Variants in CTNNBL1 observed in about 807,000 individuals in gnomAD.
CTNNBL1 encodes the protein beta-catenin-like protein 1.
In CTNNBL1, 31 loss-of-function variants were observed where a neutral mutation model predicts 72.7. The ratio of observed to expected loss-of-function variants is 0.43; its 90% CI spans 0.32 to 0.58. The LOEUF is 0.58. CTNNBL1 is among the 20% of genes least tolerant of loss of function. The probability of loss-of-function intolerance (pLI) is 0.08; values close to 1 mark genes in which losing one functional copy is unlikely to be tolerated. For synonymous variants in CTNNBL1, 240 were observed against 267.3 expected, an observed-to-expected ratio of 0.90 and a Z score of 1.00; for missense variants, 534 against 725.1, an observed-to-expected ratio of 0.74 and a Z score of 3.03.
At chr20:37,799,186 C>T (rs527400803) in intron 10 of CTNNBL1, among the ~76,000 whole-genome samples, 6 of 152,308 alleles carry the variant, frequency 3.9e-5, no homozygotes, top group South Asian at 2.1e-4. Context: ...TACCCCCAAG[C>T]GGTGTCATTC....
At chr20:37,784,118 G>T (rs1278314394) in intron 10 of CTNNBL1, among the ~76,000 whole-genome samples, 2 of 151,892 alleles carry the variant, frequency 1.3e-5, no homozygotes, top group Non-Finnish European at 2.9e-5. Flanking sequence ...TTTGTCTCTT[G>T]GTCTAATTTT....
chr20:37,806,103 G>A (rs915250529), intron 11 of CTNNBL1, among the ~76,000 whole-genome samples: 147 of 152,296 alleles, frequency 9.7e-4, no homozygotes, highest in African/African-American at 3.4e-3. Flanking sequence ...TGGGTTGCTA[G>A]CCCTAAGTTT....
At chr20:37,784,931 A>T (rs1241903815) in intron 10 of CTNNBL1, among the ~76,000 whole-genome samples, 3 of 152,150 alleles carry the variant, frequency 2.0e-5, no homozygotes, top group Non-Finnish European at 4.4e-5. Context: ...TCTGGTGTTG[A>T]TGAAATCCCT....
At chr20:37,744,819 C>A (rs1046088333) in intron 3 of CTNNBL1, 5 of 152,132 alleles carry the variant, frequency 3.3e-5, no homozygotes, top group Non-Finnish European at 5.9e-5. Context: ...TATAGGCTTA[C>A]TTTTTGGGGG....
chr20:37,845,179 A>G (rs1324774280), intron 13 of CTNNBL1, among the ~76,000 whole-genome samples: 4 of 152,162 alleles, frequency 2.6e-5, no homozygotes, highest in African/African-American at 4.8e-5. Flanking sequence ...GCCTAGCAGA[A>G]GAGAGGGTTG....
chr20:37,842,862 T>A (rs2072316290), intron 13 of CTNNBL1, among the ~76,000 whole-genome samples: 1 of 152,188 alleles, frequency 6.6e-6, no homozygotes, highest in Non-Finnish European at 1.5e-5. Flanking sequence ...AGTTACCCCA[T>A]TTACAGATGG....
intron 13 of CTNNBL1, 86 bp from the exon 14 acceptor site, chr20:37,859,813 T>TGTG (rs2072474782): frequency 7.4e-7 from 1 of 1,354,186 alleles, no homozygotes; most frequent in African/African-American, 1.4e-5. Context: ...TTGCTATTGT[T>TGTG]GTGTGTATTA....
chr20:37,751,008 A>G (rs2073314969), intron 4 of CTNNBL1: 1 of 152,076 alleles, frequency 6.6e-6, no homozygotes, highest in African/African-American at 2.4e-5. Context: ...GGAGATTAGC[A>G]TGCATTTCAG....
In CTNNBL1 at chr20:37,871,907, C is replaced by G. The variant is rs781261773; in HGVS notation, c.1604-18C>G. On this transcript the variant is annotated intron_variant, in intron 15 of 15. Coordinates refer to ENST00000361383, the MANE Select transcript of CTNNBL1 (RefSeq NM_030877.5). ...CCATGCCTGGGATCCACTCCTGACTCTATCTTTGTCCCCCTAGAGTATGCA... is the reference window on the plus strand; with the variant it reads ...CCATGCCTGGGATCCACTCCTGACTGTATCTTTGTCCCCCTAGAGTATGCA... The G allele has an allele frequency of 3.0e-5, 49 of 1,610,654 alleles. No individual in the cohort carries two copies. Among genetic ancestry groups the G allele is most frequent in the Non-Finnish European group, 3.8e-5 (45 of 1,176,974 alleles).
At chr20:37,737,295 G>A (rs900053609) in intron 2 of CTNNBL1, 83 bp from the exon 3 acceptor site, 18 of 893,304 alleles carry the variant, frequency 2.0e-5, no homozygotes, top group Non-Finnish European at 2.9e-5. Context: ...AGTGAGGTGG[G>A]GTATAAGAGC....
At chr20:37,825,810 G>C (rs962299213) in intron 11 of CTNNBL1, among the ~76,000 whole-genome samples, 3 of 152,190 alleles carry the variant, frequency 2.0e-5, no homozygotes, top group Non-Finnish European at 4.4e-5. Flanking sequence ...TCAAGTCGCT[G>C]GTGCCCAGCT....
At chr20:37,819,207 T>C (rs1488486919) in intron 11 of CTNNBL1, among the ~76,000 whole-genome samples, 3 of 152,216 alleles carry the variant, frequency 2.0e-5, no homozygotes, top group Non-Finnish European at 4.4e-5. Context: ...AATGAAGAGA[T>C]GTCTTTTTGT....
At chr20:37,763,647 G>T (rs1245363189) in intron 5 of CTNNBL1, among the ~76,000 whole-genome samples, 1 of 152,054 alleles carries the variant, frequency 6.6e-6, no homozygotes, top group African/African-American at 2.4e-5. Context: ...TACCTTACAC[G>T]CAAGGACTCT....
In CTNNBL1 at chr20:37,793,784, T is replaced by G. The variant is rs6020969; in HGVS notation, c.1032-9083T>G. Among the ~76,000 whole-genome samples, 493 of 152,322 alleles carry G rather than the reference T, an allele frequency of 3.2e-3. 7 individuals are homozygous for G. The highest frequency in any genetic ancestry group is 0.011 in the African/African-American group (446 of 41,568). On this transcript the variant is annotated intron_variant, in intron 10 of 15. Coordinates refer to ENST00000361383, the MANE Select transcript of CTNNBL1 (RefSeq NM_030877.5). ...AGTGGTCAAGTGGTCAGTTATCTTT[T>G]TTTTCTTTTTCTTTGAGACAGAGTC...
At chr20:37,844,817 G>C (rs1272692317) in intron 13 of CTNNBL1, among the ~76,000 whole-genome samples, 1 of 152,094 alleles carries the variant, frequency 6.6e-6, no homozygotes. Flanking sequence ...GCATGATGGC[G>C]CACGCGTGTA....
chr20:37,768,807 C>T (rs1264405686), intron 7 of CTNNBL1, among the ~76,000 whole-genome samples: 1 of 152,110 alleles, frequency 6.6e-6, no homozygotes, highest in Non-Finnish European at 1.5e-5. Flanking sequence ...CTGAGTCTCA[C>T]TCACTCTGTT....
At chr20:37,792,375 C>T (rs2073732510) in intron 10 of CTNNBL1, among the ~76,000 whole-genome samples, 1 of 151,976 alleles carries the variant, frequency 6.6e-6, no homozygotes, top group Non-Finnish European at 1.5e-5. Flanking sequence ...GTTCTCGCTA[C>T]ATTGCCCAGG....
chr20:37,727,132 A>G (rs144397752), intron 1 of CTNNBL1, among the ~76,000 whole-genome samples: 1 of 152,250 alleles, frequency 6.6e-6, no homozygotes, highest in African/African-American at 2.4e-5. Flanking sequence ...CCCTCATTAT[A>G]GCTACAGCTT....
chr20:37,848,430 A>G (rs2072365427), intron 13 of CTNNBL1, among the ~76,000 whole-genome samples: 1 of 152,070 alleles, frequency 6.6e-6, no homozygotes, highest in Non-Finnish European at 1.5e-5. Flanking sequence ...TGCTGGAGTT[A>G]CAGACCTGAG....
Sources: gnomAD v4.1 joint callset for allele counts (sites outside exome capture counted in the v4.1 genomes callset) on GRCh38, gnomAD v4.1.1 for gene constraint, MANE v1.5 for transcripts, NCBI Gene and HGNC (gene_info 2026-07-23, HGNC 2026-07-21) for gene names.